The following LPP variants were observed in gnomAD, a reference collection of about 807,000 sequenced individuals.
The protein encoded by LPP is lipoma-preferred partner.
Under a neutral mutation model 60.4 loss-of-function variants are expected in LPP, and 38 were observed. The observed-to-expected ratio is 0.63, with a 90% CI of 0.49 to 0.83. The LOEUF is 0.83. Among genes scored for constraint, LPP ranks in the 40% least tolerant of loss-of-function variants. The pLI is 0.00. For synonymous variants in LPP, 328 were observed against 290.8 expected, an observed-to-expected ratio of 1.13 and a Z score of -1.30; for missense variants, 902 against 783.6, an observed-to-expected ratio of 1.15 and a Z score of -1.80.
intron 2 of LPP, among the ~76,000 whole-genome samples, chr3:188,266,734 C>T (rs1453966395): frequency 3.9e-5 from 6 of 152,052 alleles, no homozygotes; most frequent in East Asian, 1.9e-4. Context: ...GAGGACAGAT[C>T]GAGTTATTGC....
At position 188,874,789 on chromosome 3, in the gene LPP, A is replaced by T. The variant is rs140211843; in HGVS notation, c.*310A>T. On this transcript the variant is annotated 3_prime_UTR_variant, in exon 12 of 12. Transcript: ENST00000617246. ...AATCCCTATGTTTGTCTCACTTTTCATCTGGTTGAATGGCTTTTCTTAGTG... is the reference window on the plus strand; with the variant it reads ...AATCCCTATGTTTGTCTCACTTTTCTTCTGGTTGAATGGCTTTTCTTAGTG... The T allele has an allele frequency of 1.1e-5, 3 of 265,816 alleles. No homozygotes were observed. Among genetic ancestry groups the T allele is most frequent in the African/African-American group, 4.3e-5 (2 of 46,738 alleles). The allele number at this position is 265,816 out of a possible 1,614,324, so 16.5% of individuals were successfully genotyped here.
intron 8 of LPP, among the ~76,000 whole-genome samples, chr3:188,730,578 C>G (rs1030796078): frequency 6.6e-6 from 1 of 152,156 alleles, no homozygotes; most frequent in African/African-American, 2.4e-5. Context: ...ATACATTAAG[C>G]CCTTTCTTCC....
At chr3:188,362,619 A>G (rs550299235) in intron 3 of LPP, among the ~76,000 whole-genome samples, 1 of 152,276 alleles carries the variant, frequency 6.6e-6, no homozygotes, top group Admixed American at 6.5e-5. Context: ...CGTGTTTACA[A>G]TATGAACACA....
chr3:188,732,384 C>T (rs908637988), intron 8 of LPP, among the ~76,000 whole-genome samples: 2 of 152,202 alleles, frequency 1.3e-5, no homozygotes, highest in Non-Finnish European at 2.9e-5. Context: ...CCCAAATTCC[C>T]TCTTCCATGA....
At chr3:188,846,960 G>A (rs919178275) in intron 9 of LPP, among the ~76,000 whole-genome samples, 34 of 152,144 alleles carry the variant, frequency 2.2e-4, no homozygotes, top group Non-Finnish European at 7.4e-5. Flanking sequence ...TAGGACAGAG[G>A]CCACACACAT....
chr3:188,467,671 G>T (rs997495642), intron 4 of LPP, among the ~76,000 whole-genome samples: 2 of 152,108 alleles, frequency 1.3e-5, no homozygotes, highest in African/African-American at 4.8e-5. Context: ...AATGGAAGAA[G>T]AGGACAGAGG....
chr3:188,848,264 G>A lies in LPP; in HGVS notation c.1411-17936G>A, dbSNP rs550677940. Among the ~76,000 whole-genome samples the A allele has an allele frequency of 9.9e-5, 15 of 152,282 alleles. No individual in the cohort carries two copies. In the South Asian group the frequency reaches 3.1e-3, roughly 32 times the overall value. ...CTTGTGAAAACCATAAGAGCCTCGAGTCTTGTCTTATGAGTCTCCGGGTAG... is the reference window on the plus strand; with the variant it reads ...CTTGTGAAAACCATAAGAGCCTCGAATCTTGTCTTATGAGTCTCCGGGTAG... On this transcript the variant is annotated intron_variant, in intron 9 of 11. Coordinates refer to ENST00000617246, the MANE Select transcript of LPP (RefSeq NM_001375462.1).
At chr3:188,677,975 G>A (rs1364273542) in intron 7 of LPP, among the ~76,000 whole-genome samples, 1 of 152,048 alleles carries the variant, frequency 6.6e-6, no homozygotes, top group Admixed American at 6.5e-5. Context: ...GCCCAAACAT[G>A]GTCCCAGGGT....
chr3:188,510,426 G>A (rs1358298275), intron 5 of LPP, among the ~76,000 whole-genome samples: 1 of 152,068 alleles, frequency 6.6e-6, no homozygotes, highest in Non-Finnish European at 1.5e-5. Context: ...TTTATCAATG[G>A]CAACCTTTTT....
intron 8 of LPP, among the ~76,000 whole-genome samples, chr3:188,744,511 G>A (rs1171483297): frequency 6.6e-6 from 1 of 152,134 alleles, no homozygotes; most frequent in African/African-American, 2.4e-5. Context: ...GCAAATTTTA[G>A]CTCTGCATGT....
intron 1 of LPP, among the ~76,000 whole-genome samples, chr3:188,186,109 C>T (rs1726523985): frequency 6.6e-6 from 1 of 152,216 alleles, no homozygotes; most frequent in Non-Finnish European, 1.5e-5. Flanking sequence ...AGGCCTAAAT[C>T]TGCCTTCTTT....
At chr3:188,431,470 C>T (rs1578844135) in intron 4 of LPP, among the ~76,000 whole-genome samples, 1 of 152,112 alleles carries the variant, frequency 6.6e-6, no homozygotes, top group African/African-American at 2.4e-5. Context: ...GCGAAGACCT[C>T]GCATTTATCT....
intron 9 of LPP, among the ~76,000 whole-genome samples, chr3:188,798,663 AATAG>A (rs1456674668): frequency 6.6e-6 from 1 of 152,198 alleles, no homozygotes; most frequent in Admixed American, 6.5e-5. Flanking sequence ...AGGGGAGAGA[AATAG>A]ATAGTGTAGT....
intron 4 of LPP, among the ~76,000 whole-genome samples, chr3:188,421,380 T>A (rs543012416): frequency 1.1e-4 from 17 of 152,260 alleles, no homozygotes; most frequent in African/African-American, 3.4e-4. Context: ...TTTTTATAGC[T>A]AAAATTGCAA....
chr3:188,426,483 CT>C (rs1789373874), intron 4 of LPP, among the ~76,000 whole-genome samples: 1 of 152,100 alleles, frequency 6.6e-6, no homozygotes, highest in Admixed American at 6.5e-5. Flanking sequence ...TGGTCTAGAG[CT>C]GAGTTGAAGT....
At chr3:188,714,430 G>T (rs1402961838) in intron 8 of LPP, among the ~76,000 whole-genome samples, 1 of 152,158 alleles carries the variant, frequency 6.6e-6, no homozygotes, top group African/African-American at 2.4e-5. Flanking sequence ...TAGGAAGACC[G>T]TCTACCGAAT....
chr3:188,571,217 T>C (rs1476247690), intron 6 of LPP, among the ~76,000 whole-genome samples: 1 of 152,112 alleles, frequency 6.6e-6, no homozygotes, highest in African/African-American at 2.4e-5. Context: ...GTAGTGGTGA[T>C]TTCTTTGCCT....
intron 9 of LPP, among the ~76,000 whole-genome samples, chr3:188,777,109 T>C (rs1200982412): frequency 6.6e-6 from 1 of 152,160 alleles, no homozygotes; most frequent in Non-Finnish European, 1.5e-5. Flanking sequence ...TAATACCTTA[T>C]ACTTAAATGC....
chr3:188,279,623 G>A (rs1741224056), intron 2 of LPP, among the ~76,000 whole-genome samples: 2 of 152,196 alleles, frequency 1.3e-5, no homozygotes, highest in South Asian at 4.1e-4. Flanking sequence ...TCAGACTGGA[G>A]CCAAGACCAT....
Sources: allele counts gnomAD v4.1 joint callset (sites outside exome capture counted in the v4.1 genomes callset), GRCh38; gene constraint gnomAD v4.1.1; transcripts MANE v1.5; gene names NCBI Gene and HGNC (gene_info 2026-07-23, HGNC 2026-07-21).